The following DMD variants were observed in gnomAD, a reference collection of about 807,000 sequenced individuals.
DMD encodes the protein mutant dystrophin.
A neutral mutation model predicts 330.1 loss-of-function variants in DMD; 63 were observed. The ratio of observed to expected loss-of-function variants is 0.19; its 90% confidence interval spans 0.16 to 0.24. The LOEUF (loss-of-function observed/expected upper bound fraction) is 0.24. Among genes scored for constraint, DMD ranks in the 10% least tolerant of loss-of-function variants. The pLI is 1.00. For missense variants in DMD, 3,344 were observed against 2,684.1 expected (o/e 1.25, Z -5.43); for synonymous variants, 1,223 against 959.8 (o/e 1.27, Z -5.07).
intron 7 of DMD, among the ~76,000 whole-genome samples, chrX:32,701,755 C>G (rs1451567405): frequency 1.8e-5 from 2 of 111,302 alleles, no homozygotes; most frequent in Non-Finnish European, 3.8e-5. Context: ...TGTTTGGTCT[C>G]AAATATATGC....
chrX:32,667,406 T>C (rs144485408), intron 9 of DMD, among the ~76,000 whole-genome samples: 1,506 of 112,142 alleles, frequency 0.013, 18 homozygotes, highest in African/African-American at 0.045. Context: ...TTGCAGCCAC[T>C]TTATGAATAA....
At chrX:32,674,043 A>T (rs5971655) in intron 9 of DMD, among the ~76,000 whole-genome samples, 16,493 of 111,567 alleles carry the variant, frequency 0.15, 1,704 homozygotes, top group African/African-American at 0.37. Context: ...AGTAACACAA[A>T]ACCCCAAAAT....
At chrX:32,376,239 C>G (rs1936366953) in intron 34 of DMD, among the ~76,000 whole-genome samples, 1 of 111,724 alleles carries the variant, frequency 9.0e-6, no homozygotes, top group Non-Finnish European at 1.9e-5. Context: ...CGGGCCATTG[C>G]ACTCCAGGAT....
chrX:31,546,782 T>A (rs2074164953), intron 55 of DMD, among the ~76,000 whole-genome samples: 2 of 112,238 alleles, frequency 1.8e-5, no homozygotes, highest in Admixed American at 1.9e-4. Flanking sequence ...TAGCCCCCTA[T>A]CTATGACATA....
intron 44 of DMD, among the ~76,000 whole-genome samples, chrX:32,203,298 A>T (rs1366183149): frequency 8.9e-6 from 1 of 112,663 alleles, no homozygotes; most frequent in Non-Finnish European, 1.9e-5. Context: ...AGTGCTGGAA[A>T]TATGATTGAT....
At chrX:32,014,713 A>AC (rs2095746200) in intron 44 of DMD, among the ~76,000 whole-genome samples, 1 of 112,286 alleles carries the variant, frequency 8.9e-6, no homozygotes, top group Admixed American at 9.4e-5. Context: ...ACACACGAAG[A>AC]ACCCTGAAAG....
chrX:32,738,171 C>A (rs1455415526), intron 7 of DMD, among the ~76,000 whole-genome samples: 1 of 111,717 alleles, frequency 9.0e-6, no homozygotes, highest in Non-Finnish European at 1.9e-5. Context: ...GAAGTTTGAA[C>A]ATTTTCTAGG....
chrX:32,613,797 A>T (rs776334106), intron 12 of DMD, among the ~76,000 whole-genome samples: 4 of 111,663 alleles, frequency 3.6e-5, no homozygotes, highest in South Asian at 7.3e-4. Context: ...TGTATTTTTT[A>T]AAAAAACAAC....
At chrX:31,868,424 G>C in intron 48 of DMD, among the ~76,000 whole-genome samples, 1 of 111,383 alleles carries the variant, frequency 9.0e-6, no homozygotes, top group Admixed American at 9.5e-5. Flanking sequence ...TTCTTACCGA[G>C]TATTCTTATT....
chrX:32,871,736 CGTT>C lies in DMD; in HGVS notation c.94-21919_94-21917del, dbSNP rs916516252. 3.6e-5 allele frequency among the ~76,000 whole-genome samples: 4 copies of C among 111,361 alleles called. No individual in the cohort carries two copies. In the East Asian group the frequency reaches 1.1e-3, roughly 32 times the overall value. ...GTAATGGATTATGGTAAGACACAGT[CGTT>C]GTTATGAGCTTCTGACAAAGTACTG... On this transcript the variant is annotated intron_variant, in intron 2 of 78. Transcript: ENST00000357033.
chrX:32,850,638 G>A (rs2081063210), intron 2 of DMD, among the ~76,000 whole-genome samples: 1 of 111,205 alleles, frequency 9.0e-6, no homozygotes, highest in Non-Finnish European at 1.9e-5. Flanking sequence ...TCTAATTCTG[G>A]GTTCTTGTTC....
chrX:32,649,196 G>A (rs2059969879), intron 9 of DMD, among the ~76,000 whole-genome samples: 1 of 108,593 alleles, frequency 9.2e-6, no homozygotes, highest in African/African-American at 3.4e-5. Flanking sequence ...CTTAATTACT[G>A]CCTGTTAGAT....
At chrX:33,171,681 T>C (rs1337220277) in intron 1 of DMD, among the ~76,000 whole-genome samples, 1 of 111,604 alleles carries the variant, frequency 9.0e-6, no homozygotes, top group Non-Finnish European at 1.9e-5. Context: ...GAGAAATGAG[T>C]CATGCAATTT....
intron 1 of DMD, among the ~76,000 whole-genome samples, chrX:33,267,716 C>A (rs2053070387): frequency 9.0e-6 from 1 of 110,540 alleles, no homozygotes; most frequent in Non-Finnish European, 1.9e-5. Flanking sequence ...ACATATAGAC[C>A]AATGGAACAG....
intron 21 of DMD, among the ~76,000 whole-genome samples, chrX:32,477,971 T>TA (rs2041414637): frequency 8.9e-6 from 1 of 112,020 alleles, no homozygotes; most frequent in Non-Finnish European, 1.9e-5. Flanking sequence ...TTCCACATTT[T>TA]AAAATTTTAA....
chrX:31,682,176 C>A (rs1275517878), intron 52 of DMD, among the ~76,000 whole-genome samples: 1 of 112,078 alleles, frequency 8.9e-6, no homozygotes, highest in African/African-American at 3.2e-5. Context: ...AACATGAAAT[C>A]AAAAATATAG....
chrX:32,342,235 C>T lies in DMD; in HGVS notation c.5787G>A (p.Val1929=), dbSNP rs1181249900. The T allele has an allele frequency of 1.7e-6, 2 of 1,209,763 alleles. No homozygotes were observed. Among genetic ancestry groups the T allele is most frequent in the African/African-American group, 3.5e-5 (2 of 57,148 alleles). The change falls in exon 41 of 79, where the codon GTG becomes GTA. Residue 1929 remains valine (V), a synonymous_variant. Coordinates refer to ENST00000357033, the MANE Select transcript of DMD (RefSeq NM_004006.3). Reference sequence around the variant, plus strand: ...CAGACAAGCCCTCAGCTTGCCTACGCACTGCATTCAGCTCCTCTTTCTTCT... The same window carrying T: ...CAGACAAGCCCTCAGCTTGCCTACGTACTGCATTCAGCTCCTCTTTCTTCT... ...LQKKKEELNA[V]RRQAEGLSED...
chrX:32,175,597 C>T (rs753524689), intron 44 of DMD, among the ~76,000 whole-genome samples: 3 of 110,271 alleles, frequency 2.7e-5, no homozygotes, highest in Admixed American at 9.7e-5. Flanking sequence ...TTGAAGTCAG[C>T]GAGACCACGA....
At chrX:33,309,197 G>A (rs953769956) in intron 1 of DMD, among the ~76,000 whole-genome samples, 1 of 111,102 alleles carries the variant, frequency 9.0e-6, no homozygotes, top group Non-Finnish European at 1.9e-5. Flanking sequence ...CATAATTCAC[G>A]GTGTTAAATA....
Sources: gnomAD v4.1 joint callset for allele counts (sites outside exome capture counted in the v4.1 genomes callset) on GRCh38, gnomAD v4.1.1 for gene constraint, MANE v1.5 for transcripts, NCBI Gene and HGNC (gene_info 2026-07-23, HGNC 2026-07-21) for gene names.